TMC1: variants seen among roughly 807,000 people sequenced by gnomAD.
The protein encoded by TMC1 is transmembrane channel-like protein 1.
Under a neutral mutation model 105.8 loss-of-function variants are expected in TMC1, and 84 were observed. The observed-to-expected ratio is 0.79, with a 90% CI of 0.67 to 0.95. The LOEUF (loss-of-function observed/expected upper bound fraction) is 0.95, where lower values mean the gene tolerates loss of function less well. TMC1 is among the 40% of genes least tolerant of loss of function. TMC1 has a pLI of 0.00. For synonymous variants in TMC1, 315 were observed against 311.5 expected (o/e 1.01, Z -0.12); for missense variants, 817 against 914.1 (o/e 0.89, Z 1.37).
chr9:72,681,179 T>G (rs1826279842), intron 5 of TMC1, among the ~76,000 whole-genome samples: 1 of 152,138 alleles, frequency 6.6e-6, no homozygotes, highest in African/African-American at 2.4e-5. Context: ...TTTACCACAC[T>G]TATTTACAGT....
intron 18 of TMC1, among the ~76,000 whole-genome samples, chr9:72,813,809 TAAGA>T (rs1828740968): frequency 6.6e-6 from 1 of 152,204 alleles, no homozygotes; most frequent in African/African-American, 2.4e-5. Context: ...CTTACCTAGC[TAAGA>T]AATGGTAGAG....
chr9:72,707,459 G>T (rs1035740295), intron 8 of TMC1, among the ~76,000 whole-genome samples: 1 of 152,138 alleles, frequency 6.6e-6, no homozygotes, highest in Non-Finnish European at 1.5e-5. Context: ...ATTCTTGCAG[G>T]TGTAAGGTGG....
chr9:72,688,862 G>A, intron 6 of TMC1, 106 bp downstream of exon 6: 4 of 964,872 alleles, frequency 4.1e-6, no homozygotes, highest in Non-Finnish European at 6.5e-6. Flanking sequence ...GCAGAAGTGT[G>A]TGTGGATAAC....
chr9:72,726,986 A>G lies in TMC1; in HGVS notation c.363-13133A>G, dbSNP rs73647803. On this transcript the variant is annotated intron_variant, in intron 8 of 23. Transcript: ENST00000297784. ...TAGAACATGTTTGATTAGAATGCAC[A>G]TGAGGCAAGCAAAATTAGCACAGTC... Among the ~76,000 whole-genome samples, 557 of 152,352 alleles carry G rather than the reference A, an allele frequency of 3.7e-3. 3 individuals carry two copies. The highest frequency in any genetic ancestry group is 0.013 in the African/African-American group (532 of 41,582).
At chr9:72,634,075 A>G (rs1163590687) in intron 4 of TMC1, among the ~76,000 whole-genome samples, 2 of 152,134 alleles carry the variant, frequency 1.3e-5, no homozygotes, top group Non-Finnish European at 2.9e-5. Flanking sequence ...GTTTTTAAGG[A>G]TAATTTGGCA....
At chr9:72,833,486 C>T (rs1588107744) in intron 23 of TMC1, among the ~76,000 whole-genome samples, 1 of 152,194 alleles carries the variant, frequency 6.6e-6, no homozygotes, top group Non-Finnish European at 1.5e-5. Flanking sequence ...GTCATCCTTT[C>T]ATTTTTCTTC....
chr9:72,834,576 G>C (rs113322728), intron 23 of TMC1, among the ~76,000 whole-genome samples: 4 of 152,090 alleles, frequency 2.6e-5, no homozygotes, highest in Non-Finnish European at 1.5e-5. Flanking sequence ...GTAAAGATTT[G>C]CCTGGCAAAT....
At chr9:72,710,358 T>A (rs1325331210) in intron 8 of TMC1, among the ~76,000 whole-genome samples, 1 of 152,192 alleles carries the variant, frequency 6.6e-6, no homozygotes, top group East Asian at 1.9e-4. Flanking sequence ...ATCTGTTGGG[T>A]CCATTTGTTC....
Position 72,820,867 on chromosome 9 carries a change from C to T in TMC1, c.1789C>T (p.Leu597Phe), listed in dbSNP as rs944185428. 1 of 1,614,178 alleles carries T rather than the reference C, an allele frequency of 6.2e-7. No homozygotes were observed. The highest frequency in any genetic ancestry group is 8.5e-7 in the Non-Finnish European group (1 of 1,180,032). ...GATGGGCTCCTTCTTTGCTCCCAGCCTCCCAGGCATCAATATCCTTCGACT... is the reference window on the plus strand; with the variant it reads ...GATGGGCTCCTTCTTTGCTCCCAGCTTCCCAGGCATCAATATCCTTCGACT... The part of the protein sequence containing the change: ...IWMGSFFAPS[L>F]PGINILRLHT... Residue 597 changes from leucine to phenylalanine, a missense_variant, in exon 20 of 24, where the codon CTC (leucine) becomes TTC (phenylalanine). Leu to Phe is a conservative substitution (Grantham distance 22, BLOSUM62 0). Coordinates refer to ENST00000297784, the MANE Select transcript of TMC1 (RefSeq NM_138691.3).
At chr9:72,557,343 C>T (rs932094723) in intron 1 of TMC1, among the ~76,000 whole-genome samples, 2 of 152,062 alleles carry the variant, frequency 1.3e-5, no homozygotes, top group South Asian at 4.1e-4. Context: ...TGCACTCCAG[C>T]CTGGGTGACA....
chr9:72,532,179 C>T (rs1823507928), intron 1 of TMC1, among the ~76,000 whole-genome samples: 1 of 151,902 alleles, frequency 6.6e-6, no homozygotes, highest in Admixed American at 6.6e-5. Flanking sequence ...TATCTGCCTG[C>T]CTTGGCCTTC....
At chr9:72,722,174 A>G (rs144450976) in intron 8 of TMC1, among the ~76,000 whole-genome samples, 65 of 152,294 alleles carry the variant, frequency 4.3e-4, no homozygotes, top group African/African-American at 1.2e-3. Context: ...CATTTTACAG[A>G]TGAGAAAATT....
intron 15 of TMC1, among the ~76,000 whole-genome samples, chr9:72,789,697 G>A (rs1180398924): frequency 6.6e-6 from 1 of 152,200 alleles, no homozygotes; most frequent in Non-Finnish European, 1.5e-5. Flanking sequence ...GGCTCTTGCT[G>A]CTTTCTCTGC....
At chr9:72,607,813 A>G (rs1273663861) in intron 2 of TMC1, 1 of 152,008 alleles carries the variant, frequency 6.6e-6, no homozygotes, top group African/African-American at 2.4e-5. Flanking sequence ...TATTCCCCAA[A>G]TAGGAAATAA....
chr9:72,838,022 T>A lies in TMC1; in HGVS notation c.*2049T>A, dbSNP rs967642257. 2.6e-5 allele frequency: 4 copies of A among 152,258 alleles called. No homozygotes were observed. The highest frequency in any genetic ancestry group is 9.6e-5 in the African/African-American group (4 of 41,472). The allele number at this position is 152,258 out of a possible 1,614,324, so 9.4% of individuals were successfully genotyped here. On this transcript the variant is annotated 3_prime_UTR_variant, in exon 24 of 24. Transcript: ENST00000297784. ...GCATGGATTATCTTTCTTGTCCTTA[T>A]TGTAAATTCTCTGTGAGCAGGGGTT...
intron 1 of TMC1, among the ~76,000 whole-genome samples, chr9:72,550,492 A>T (rs1823842706): frequency 6.6e-6 from 1 of 151,270 alleles, no homozygotes; most frequent in African/African-American, 2.4e-5. Flanking sequence ...CCCCGTTTCT[A>T]CTAAAAATAC....
In TMC1 at chr9:72,607,000, T is replaced by TAGAGGG. The variant is rs796092443; in HGVS notation, c.-305-9367_-305-9366insGAGGGA. Among the ~76,000 whole-genome samples the TAGAGGG allele has an allele frequency of 6.8e-4, 88 of 128,736 alleles. 1 individual carries two copies. The highest frequency in any genetic ancestry group is 1.4e-3 in the South Asian group (6 of 4,176). The allele number at this position is 128,736 out of a possible 152,430, so 84.5% of individuals were successfully genotyped here. A position where few individuals can be genotyped will look rare whatever the true frequency, so the allele number is the denominator to read the frequency against. ...GTGTGTGCATATATATATATATATA[T>TAGAGGG]ATAGAGAGAGAGAGAGAGAGAGAGA... On this transcript the variant is annotated intron_variant, in intron 2 of 23. Coordinates refer to ENST00000297784, the MANE Select transcript of TMC1 (RefSeq NM_138691.3).
At chr9:72,536,457 T>G (rs1478990154) in intron 1 of TMC1, among the ~76,000 whole-genome samples, 1 of 152,080 alleles carries the variant, frequency 6.6e-6, no homozygotes, top group Non-Finnish European at 1.5e-5. Context: ...CTCAGCCTCC[T>G]GAGTAGCTGG....
intron 2 of TMC1, among the ~76,000 whole-genome samples, chr9:72,612,313 G>A (rs1199648340): frequency 1.3e-5 from 2 of 152,074 alleles, no homozygotes; most frequent in Non-Finnish European, 2.9e-5. Flanking sequence ...TGGGACTACA[G>A]GTGTGCACCA....
Sources: gnomAD v4.1 joint callset for allele counts (sites outside exome capture counted in the v4.1 genomes callset) on GRCh38, gnomAD v4.1.1 for gene constraint, MANE v1.5 for transcripts, NCBI Gene and HGNC (gene_info 2026-07-23, HGNC 2026-07-21) for gene names.